TMCO4: variants seen among roughly 807,000 people sequenced by gnomAD.
The protein encoded by TMCO4 is transmembrane and coiled-coil domains 4.
Under a neutral mutation model 64.7 loss-of-function variants are expected in TMCO4, and 58 were observed. The ratio of observed to expected loss-of-function variants is 0.90; its 90% CI spans 0.73 to 1.12. The LOEUF is 1.12. Ranked by LOEUF, TMCO4 falls within the 50% of genes most tolerant of loss-of-function variation. The probability of loss-of-function intolerance (pLI) is 0.00; values close to 1 mark genes in which losing one functional copy is unlikely to be tolerated. For synonymous variants in TMCO4, 325 were observed against 346.1 expected (o/e 0.94, Z 0.68); for missense variants, 780 against 825.9 (o/e 0.94, Z 0.68).
intron 13 of TMCO4, among the ~76,000 whole-genome samples, chr1:19,705,822 T>G (rs1259428203): frequency 6.6e-6 from 1 of 152,194 alleles, no homozygotes; most frequent in Non-Finnish European, 1.5e-5. Flanking sequence ...ATCCACTGTT[T>G]GGTTCAAAAC....
At chr1:19,755,875 C>T in intron 6 of TMCO4, 109 bp from the exon 7 acceptor site, 2 of 1,265,200 alleles carry the variant, frequency 1.6e-6, no homozygotes. Context: ...AAATGTACAA[C>T]CCCATGGGAG....
rs542203707 is a variant in TMCO4 at position 19,790,501 on chromosome 1, C to T, written c.-100-3384G>A. Among the ~76,000 whole-genome samples, 248 of 152,140 alleles carry T rather than the reference C, an allele frequency of 1.6e-3. 3 individuals are homozygous for T. The highest frequency in any genetic ancestry group is 6.8e-3 in the Middle Eastern group (2 of 294). On this transcript the variant is annotated intron_variant, in intron 2 of 15. Transcript: ENST00000294543. ...ACCCCATTAAAAAGTGGGCAAAGTA[C>T]ATGAACAGACACTTCTCAAAAGATA...
Position 19,746,458 on chromosome 1 carries a change from G to A in TMCO4, c.755C>T (p.Thr252Ile). The A allele has an allele frequency of 6.2e-7, 1 of 1,613,270 alleles. No individual in the cohort carries two copies. ...SLFGAAGAGL[T>I]GYKMKKRVGA... ...CCATCATTCCTTTTGAACCTTACCT[G>A]TCAGGCCAGCTCCAGCTGCACCAAA... The change falls in exon 9 of 16, where the codon ACA becomes ATA. Residue 252 changes from threonine (T) to isoleucine (I), a missense_variant and splice_region_variant. Thr to Ile is a moderately conservative substitution (Grantham distance 89). Transcript: ENST00000294543.
intron 9 of TMCO4, among the ~76,000 whole-genome samples, chr1:19,746,189 A>C (rs1242329896): frequency 6.6e-6 from 1 of 152,152 alleles, no homozygotes; most frequent in Non-Finnish European, 1.5e-5. Context: ...CCAAGCATGG[A>C]AACTTCTGGA....
chr1:19,776,138 C>A (rs562355460), intron 4 of TMCO4, among the ~76,000 whole-genome samples: 1 of 152,184 alleles, frequency 6.6e-6, no homozygotes. Context: ...AAACTCCTAA[C>A]CTCAAGTGAT....
At chr1:19,711,271 C>T (rs2095329692) in intron 13 of TMCO4, among the ~76,000 whole-genome samples, 1 of 152,196 alleles carries the variant, frequency 6.6e-6, no homozygotes, top group African/African-American at 2.4e-5. Context: ...GCTATTTTCC[C>T]ACACTCTGAG....
At chr1:19,714,496 T>C (rs1256070774) in intron 13 of TMCO4, among the ~76,000 whole-genome samples, 3 of 152,236 alleles carry the variant, frequency 2.0e-5, no homozygotes, top group Non-Finnish European at 2.9e-5. Flanking sequence ...TCTGATTGTG[T>C]TGTTTCTGCA....
chr1:19,704,194 C>G (rs1557480202), intron 13 of TMCO4, among the ~76,000 whole-genome samples: 1 of 152,220 alleles, frequency 6.6e-6, no homozygotes, highest in Admixed American at 6.5e-5. Context: ...GATTTTGCTC[C>G]TTTTGTTTCC....
chr1:19,717,977 C>T (rs1417288950), intron 13 of TMCO4, among the ~76,000 whole-genome samples: 4 of 152,194 alleles, frequency 2.6e-5, no homozygotes, highest in Non-Finnish European at 5.9e-5. Flanking sequence ...TTGCTAATTA[C>T]TGGCTGGGTG....
intron 13 of TMCO4, among the ~76,000 whole-genome samples, chr1:19,730,000 T>G (rs2095423837): frequency 1.3e-5 from 2 of 152,180 alleles, no homozygotes. Context: ...CTTCACGGGC[T>G]CTTGTGAGAA....
intron 14 of TMCO4, among the ~76,000 whole-genome samples, chr1:19,700,558 C>T (rs1047656369): frequency 1.3e-5 from 2 of 152,216 alleles, no homozygotes; most frequent in South Asian, 2.1e-4. Context: ...CAGAATCCAC[C>T]CTTCTGTCCA....
At chr1:19,748,600 G>A (rs1224527251) in intron 7 of TMCO4, among the ~76,000 whole-genome samples, 1 of 152,160 alleles carries the variant, frequency 6.6e-6, no homozygotes, top group East Asian at 1.9e-4. Context: ...CGAGGCAGGT[G>A]GATCACCTGA....
chr1:19,769,021 A>G (rs538855681), intron 6 of TMCO4, among the ~76,000 whole-genome samples: 207 of 152,278 alleles, frequency 1.4e-3, no homozygotes, highest in African/African-American at 5.0e-3. Flanking sequence ...ACTGCACTAA[A>G]CACACGTGCA....
At chr1:19,719,112 T>G (rs1367747363) in intron 13 of TMCO4, among the ~76,000 whole-genome samples, 1 of 152,190 alleles carries the variant, frequency 6.6e-6, no homozygotes, top group Non-Finnish European at 1.5e-5. Flanking sequence ...CTCTGTTCAA[T>G]CAGGCAGGCA....
At chr1:19,713,865 C>A (rs1344006906) in intron 13 of TMCO4, among the ~76,000 whole-genome samples, 1 of 152,060 alleles carries the variant, frequency 6.6e-6, no homozygotes, top group South Asian at 2.1e-4. Flanking sequence ...TAATTTAATT[C>A]CTATTTTCCA....
intron 13 of TMCO4, among the ~76,000 whole-genome samples, chr1:19,713,680 CAG>C (rs1237930366): frequency 6.6e-6 from 1 of 152,008 alleles, no homozygotes; most frequent in African/African-American, 2.4e-5. Context: ...GCCTGGATGA[CAG>C]AGTAAGACCC....
chr1:19,758,624 G>A lies in TMCO4; in HGVS notation c.383-2858C>T, dbSNP rs1267737677. Among the ~76,000 whole-genome samples the A allele has an allele frequency of 2.0e-5, 3 of 152,232 alleles. No homozygotes were observed. The South Asian group carries it at 6.2e-4, about 32-fold the overall frequency. Reference sequence around the variant, plus strand: ...GGCAGGGATGCTGGTCTTGGAGCCAGGGTTCGTAGTTTAAGGCATGTTCCT... The same window carrying A: ...GGCAGGGATGCTGGTCTTGGAGCCAAGGTTCGTAGTTTAAGGCATGTTCCT... On this transcript the variant is annotated intron_variant, in intron 6 of 15. Transcript: ENST00000294543.
intron 7 of TMCO4, among the ~76,000 whole-genome samples, chr1:19,751,034 G>C (rs866540701): frequency 6.6e-6 from 1 of 152,242 alleles, no homozygotes. Context: ...TCGTTAACAA[G>C]TTCCTCCTCC....
At chr1:19,770,905 G>T (rs1378993835) in intron 5 of TMCO4, among the ~76,000 whole-genome samples, 1 of 152,230 alleles carries the variant, frequency 6.6e-6, no homozygotes, top group Admixed American at 6.5e-5. Flanking sequence ...TCTGAAAAGA[G>T]GTGCCACAGC....
Sources: gnomAD v4.1 joint callset for allele counts (sites outside exome capture counted in the v4.1 genomes callset) on GRCh38, gnomAD v4.1.1 for gene constraint, MANE v1.5 for transcripts, NCBI Gene and HGNC (gene_info 2026-07-23, HGNC 2026-07-21) for gene names.